The following AKAP9 variants were observed in gnomAD, a reference collection of about 807,000 sequenced individuals.
AKAP9 encodes A-kinase anchor protein 9.
Under a neutral mutation model 488.5 loss-of-function variants are expected in AKAP9, and 311 were observed. The ratio of observed to expected loss-of-function variants is 0.64; its 90% CI spans 0.58 to 0.70. The LOEUF is 0.70. Among genes scored for constraint, AKAP9 ranks in the 30% least tolerant of loss-of-function variants. The pLI is 0.00. For missense variants in AKAP9, 4,215 were observed against 4,374.5 expected (o/e 0.96, Z 1.03); for synonymous variants, 1,462 against 1,483.5 (o/e 0.99, Z 0.33).
chr7:92,081,325 A>G (rs1378703486), intron 31 of AKAP9, among the ~76,000 whole-genome samples: 13 of 150,352 alleles, frequency 8.6e-5, no homozygotes, highest in Non-Finnish European at 1.5e-4. Flanking sequence ...TTTTCTTGAG[A>G]CAGAGTCTCG....
At chr7:91,965,431 A>T (rs1794320434) in intron 1 of AKAP9, among the ~76,000 whole-genome samples, 2 of 152,130 alleles carry the variant, frequency 1.3e-5, no homozygotes, top group South Asian at 4.1e-4. Flanking sequence ...TCCGTTTATC[A>T]ATTGATGGGC....
At chr7:92,008,613 A>AG (rs901890614) in intron 8 of AKAP9, among the ~76,000 whole-genome samples, 1 of 150,734 alleles carries the variant, frequency 6.6e-6, no homozygotes, top group Non-Finnish European at 1.5e-5. Context: ...CCTTGAACCC[A>AG]GGAGGTGGAG....
intron 41 of AKAP9, 77 bp downstream of exon 41, chr7:92,097,434 T>C: frequency 6.5e-7 from 1 of 1,541,206 alleles, no homozygotes; most frequent in Non-Finnish European, 8.8e-7. Flanking sequence ...TGATATTGGA[T>C]TAAATTACTT....
At chr7:92,014,470 A>C in intron 10 of AKAP9, 142 bp downstream of exon 10, 1 of 666,122 alleles carries the variant, frequency 1.5e-6, no homozygotes, top group Admixed American at 2.1e-5. Context: ...TCTACCAAAA[A>C]ATACAAAAAT....
At chr7:91,958,574 G>C (rs576849380) in intron 1 of AKAP9, among the ~76,000 whole-genome samples, 2 of 152,172 alleles carry the variant, frequency 1.3e-5, no homozygotes, top group Admixed American at 1.3e-4. Flanking sequence ...TAGGTATGTA[G>C]TTGTATATAT....
chr7:92,048,253 G>A (rs1348205967), intron 21 of AKAP9, among the ~76,000 whole-genome samples: 1 of 152,080 alleles, frequency 6.6e-6, no homozygotes, highest in East Asian at 1.9e-4. Context: ...ATGACTTTTT[G>A]TTGTAACACT....
intron 6 of AKAP9, 142 bp downstream of exon 6, chr7:91,994,918 A>G (rs985564648): frequency 1.1e-5 from 8 of 703,508 alleles, no homozygotes; most frequent in African/African-American, 7.2e-5. Context: ...ATGTGTTGCT[A>G]TATTAACCAG....
At chr7:92,052,691 A>T in intron 21 of AKAP9, 35 bp from the exon 22 acceptor site, 1 of 1,370,720 alleles carries the variant, frequency 7.3e-7, no homozygotes, top group Non-Finnish European at 1.0e-6. Context: ...TGATTATTAT[A>T]ATTAATTTAT....
intron 12 of AKAP9, among the ~76,000 whole-genome samples, chr7:92,017,628 G>A (rs1801707619): frequency 6.6e-6 from 1 of 152,168 alleles, no homozygotes; most frequent in Non-Finnish European, 1.5e-5. Flanking sequence ...TTCTCATGTA[G>A]AAGGAAATCC....
chr7:91,962,390 C>T (rs375723170), intron 1 of AKAP9, among the ~76,000 whole-genome samples: 2 of 151,980 alleles, frequency 1.3e-5, no homozygotes, highest in South Asian at 4.1e-4. Flanking sequence ...TGTTTTAATT[C>T]ATTTAATAAG....
chr7:92,102,481 CTA>C lies in AKAP9; in HGVS notation c.11098-112_11098-111del, dbSNP rs1563151441. 4.6e-3 allele frequency: 3,402 copies of C among 736,214 alleles called. 6 individuals are homozygous for C. The highest frequency in any genetic ancestry group is 0.013 in the African/African-American group (728 of 57,198). 45.6% of individuals were successfully genotyped at this position (736,214 alleles called of 1,614,324 possible). ...ACTACTACTACTACTACTACTACTA[CTA>C]CTACTACCACCACCACCACCACTAC... On this transcript the variant is annotated intron_variant, in intron 45 of 49. Transcript: ENST00000356239.
At position 92,002,958 on chromosome 7, in the gene AKAP9, C is replaced by G; in HGVS notation, c.3041C>G (p.Thr1014Ser). The G allele has an allele frequency of 1.2e-6, 2 of 1,613,048 alleles. No homozygotes were observed. The highest frequency in any genetic ancestry group is 1.7e-6 in the Non-Finnish European group (2 of 1,179,514). ...NRAENVQSCDTQVSSLLDGVV... is the reference protein window; with the variant it reads ...NRAENVQSCDSQVSSLLDGVV... ...GCAGAAAATGTACAGTCATGTGATA[C>G]TCAAGTAAGCTCTTTATTAGATGGA... is the stretch of plus-strand genomic sequence containing the variant. Residue 1014 changes from threonine (T) to serine (S), a missense_variant, in exon 8 of 50, where the codon ACT becomes AGT. Coordinates refer to ENST00000356239, the MANE Select transcript of AKAP9 (RefSeq NM_005751.5).
chr7:92,107,712 G>A (rs977726368), intron 48 of AKAP9: 76 of 294,914 alleles, frequency 2.6e-4, no homozygotes, highest in Non-Finnish European at 4.1e-4. Context: ...TTAGCCAGGC[G>A]TGGTGGCAGG....
At chr7:92,098,307 CTT>C (rs1217857859) in intron 43 of AKAP9, 93 bp downstream of exon 43, 2 of 700,490 alleles carry the variant, frequency 2.9e-6, no homozygotes, top group Admixed American at 5.0e-5. Context: ...TCTTTATACT[CTT>C]TATAGAGTTT....
At chr7:91,983,704 G>T (rs1796718136) in intron 3 of AKAP9, among the ~76,000 whole-genome samples, 1 of 152,070 alleles carries the variant, frequency 6.6e-6, no homozygotes, top group South Asian at 2.1e-4. Flanking sequence ...TAGAGATAGG[G>T]TTTCACCAAC....
At chr7:91,996,281 C>T (rs1798390316) in intron 7 of AKAP9, among the ~76,000 whole-genome samples, 1 of 151,972 alleles carries the variant, frequency 6.6e-6, no homozygotes, top group African/African-American at 2.4e-5. Flanking sequence ...GAATATGTGT[C>T]CGTGTATGGG....
chr7:91,985,301 T>A (rs1009231608), intron 3 of AKAP9, among the ~76,000 whole-genome samples: 2 of 152,216 alleles, frequency 1.3e-5, no homozygotes, highest in South Asian at 4.1e-4. Flanking sequence ...AATACCTAGT[T>A]TATTGAGAGT....
rs921249303 is a variant in AKAP9 at position 92,012,791 on chromosome 7, G to A, written c.3532+149G>A. On this transcript the variant is annotated intron_variant, in intron 9 of 49. Transcript: ENST00000356239. ...ATATAATCACTAGACATTCATTTAA[G>A]TGCTTGAGAAAGCTAAAATCATTTT... 3 of 657,064 alleles carry A rather than the reference G, an allele frequency of 4.6e-6. No individual in the cohort carries two copies. The Admixed American group carries it at 9.0e-5, about 20-fold the overall frequency. The allele number at this position is 657,064 out of a possible 1,614,324, so 40.7% of individuals were successfully genotyped here. A position where few individuals can be genotyped will look rare whatever the true frequency, so the allele number is the denominator to read the frequency against.
chr7:92,087,661 A>ACTTT (rs1224131198), intron 37 of AKAP9, among the ~76,000 whole-genome samples: 1 of 152,016 alleles, frequency 6.6e-6, no homozygotes, highest in Admixed American at 6.6e-5. Flanking sequence ...CTAGGGATGG[A>ACTTT]CCAGGGAAAG....
Sources: gnomAD v4.1 joint callset for allele counts (sites outside exome capture counted in the v4.1 genomes callset) on GRCh38, gnomAD v4.1.1 for gene constraint, MANE v1.5 for transcripts, NCBI Gene and HGNC (gene_info 2026-07-23, HGNC 2026-07-21) for gene names.